The following ITGA9 variants were observed in gnomAD, a reference collection of about 807,000 sequenced individuals.
ITGA9 encodes the protein integrin alpha-9.
Under a neutral mutation model 127.8 loss-of-function variants are expected in ITGA9, and 56 were observed. That is an observed-to-expected ratio of 0.44 (90% confidence interval 0.35 to 0.55). ITGA9 has a LOEUF of 0.55. Ranked by LOEUF, ITGA9 falls within the 20% of genes least tolerant of loss-of-function variation. The pLI, the probability that ITGA9 is intolerant of heterozygous loss-of-function variation, is 0.00. For missense variants in ITGA9, 1,196 were observed against 1,347.1 expected, an observed-to-expected ratio of 0.89 and a Z score of 1.76; for synonymous variants, 508 against 514.5, an observed-to-expected ratio of 0.99 and a Z score of 0.17.
intron 6 of ITGA9, 80 bp downstream of exon 6, chr3:37,503,387 G>T: frequency 2.6e-6 from 4 of 1,529,102 alleles, no homozygotes; most frequent in Middle Eastern, 3.4e-4. Context: ...TTGCTTCATT[G>T]TTGGAAAGAG....
intron 17 of ITGA9, among the ~76,000 whole-genome samples, chr3:37,681,556 C>T (rs1299007379): frequency 6.6e-6 from 1 of 152,270 alleles, no homozygotes; most frequent in African/African-American, 2.4e-5. Flanking sequence ...CTTGAGATTC[C>T]CCCAAAACAC....
At chr3:37,628,606 T>A (rs931591793) in intron 15 of ITGA9, among the ~76,000 whole-genome samples, 1 of 152,180 alleles carries the variant, frequency 6.6e-6, no homozygotes, top group African/African-American at 2.4e-5. Context: ...CTCTCCTCCC[T>A]TCCTTTCCCA....
intron 18 of ITGA9, among the ~76,000 whole-genome samples, chr3:37,703,130 C>A (rs1000056549): frequency 3.3e-5 from 5 of 152,212 alleles, no homozygotes; most frequent in African/African-American, 4.8e-5. Flanking sequence ...CAGGTCCCCC[C>A]CTTTTTTAAT....
chr3:37,508,822 A>G (rs988257096), intron 8 of ITGA9, among the ~76,000 whole-genome samples, 195 bp downstream of exon 8: 4 of 152,118 alleles, frequency 2.6e-5, no homozygotes. Context: ...TACTCGCTTT[A>G]GGAGACATTC....
chr3:37,672,883 T>G (rs1700650424), intron 17 of ITGA9, among the ~76,000 whole-genome samples: 1 of 151,502 alleles, frequency 6.6e-6, no homozygotes, highest in Non-Finnish European at 1.5e-5. Context: ...TACAATATTC[T>G]TTTTTAGTAT....
chr3:37,652,408 C>G (rs965324984), intron 16 of ITGA9, among the ~76,000 whole-genome samples: 1 of 152,174 alleles, frequency 6.6e-6, no homozygotes, highest in Non-Finnish European at 1.5e-5. Flanking sequence ...CTCCTTGACC[C>G]CAGTAGTGTC....
Position 37,452,607 on chromosome 3 carries a change from C to A in ITGA9, c.185+48C>A. 6.9e-7 allele frequency: 1 copy of A among 1,459,784 alleles called. No individual in the cohort carries two copies. The highest frequency in any genetic ancestry group is 1.3e-5 in the South Asian group (1 of 77,834). 90.4% of individuals were successfully genotyped at this position (1,459,784 alleles called of 1,614,324 possible). ...GACCCTGGCCCGCGCGGCCACCGCC[C>A]CGGCCCCCAGGCCAGCGCCGCCGCC... On this transcript the variant is annotated intron_variant, in intron 1 of 27. Coordinates refer to ENST00000264741, the MANE Select transcript of ITGA9 (RefSeq NM_002207.3). The surrounding 1 kb of genome is among the most constrained non-coding windows in gnomAD (Gnocchi z 7.3).
intron 15 of ITGA9, among the ~76,000 whole-genome samples, chr3:37,551,260 C>T (rs1371823900): frequency 6.6e-6 from 1 of 152,106 alleles, no homozygotes; most frequent in Non-Finnish European, 1.5e-5. Context: ...ATTCCGTGCA[C>T]ATTTGGGATT....
intron 5 of ITGA9, among the ~76,000 whole-genome samples, chr3:37,498,375 G>C (rs1208087794): frequency 1.3e-5 from 2 of 152,180 alleles, no homozygotes; most frequent in Non-Finnish European, 2.9e-5. Flanking sequence ...CGGAGATGTT[G>C]ACAGAGAGCC....
At chr3:37,683,769 C>A in intron 17 of ITGA9, 96 bp from the exon 18 acceptor site, 1 of 1,268,298 alleles carries the variant, frequency 7.9e-7, no homozygotes, top group East Asian at 2.4e-5. Flanking sequence ...TAGTTCTGAT[C>A]TCGGTTTCTG....
chr3:37,568,971 T>C (rs1463387721), intron 15 of ITGA9, among the ~76,000 whole-genome samples: 1 of 152,224 alleles, frequency 6.6e-6, no homozygotes, highest in Non-Finnish European at 1.5e-5. Context: ...CCCCTCCTGG[T>C]ACCAATTTAC....
At chr3:37,652,325 C>G (rs1021089703) in intron 16 of ITGA9, among the ~76,000 whole-genome samples, 1 of 152,162 alleles carries the variant, frequency 6.6e-6, no homozygotes, top group Non-Finnish European at 1.5e-5. Flanking sequence ...ACACCCACTT[C>G]CTCCTGTTTT....
chr3:37,493,258 T>G (rs1362250861), intron 4 of ITGA9, among the ~76,000 whole-genome samples: 9 of 152,228 alleles, frequency 5.9e-5, no homozygotes, highest in Non-Finnish European at 4.4e-5. Flanking sequence ...GAGTAGACAC[T>G]CAGAACGGCA....
chr3:37,606,090 C>CCACAACA (rs1159226999), intron 15 of ITGA9, among the ~76,000 whole-genome samples: 1 of 152,166 alleles, frequency 6.6e-6, no homozygotes, highest in Middle Eastern at 3.2e-3. Flanking sequence ...GCACCCTGTA[C>CCACAACA]CACAACATTG....
intron 24 of ITGA9, among the ~76,000 whole-genome samples, chr3:37,778,872 GTTTTTTT>G (rs10583231): frequency 4.7e-5 from 5 of 106,260 alleles, no homozygotes; most frequent in African/African-American, 7.2e-5. Context: ...GAAAGGTTGG[GTTTTTTT>G]TTTTTTTTTT....
intron 17 of ITGA9, among the ~76,000 whole-genome samples, chr3:37,657,866 G>A (rs1337212348): frequency 1.3e-5 from 2 of 152,158 alleles, no homozygotes. Flanking sequence ...TGCTTTAGGT[G>A]TGTCCCAGCA....
At chr3:37,770,859 G>A (rs1696834114) in intron 23 of ITGA9, among the ~76,000 whole-genome samples, 2 of 152,170 alleles carry the variant, frequency 1.3e-5, no homozygotes, top group Admixed American at 1.3e-4. Context: ...CCACAGCCAG[G>A]GTTCCTGACA....
At position 37,736,993 on chromosome 3, in the gene ITGA9, G is replaced by C; in HGVS notation, c.2234+10G>C. On this transcript the variant is annotated intron_variant, in intron 20 of 27. Coordinates refer to ENST00000264741, the MANE Select transcript of ITGA9 (RefSeq NM_002207.3). ...TTGTTACTGCTCAGAGGTAAGGGGGGGGTTTAAACACTTTTTTCAAAGATG... is the reference window on the plus strand; with the variant it reads ...TTGTTACTGCTCAGAGGTAAGGGGGCGGTTTAAACACTTTTTTCAAAGATG... 6.4e-7 allele frequency: 1 copy of C among 1,569,856 alleles called. No individual in the cohort carries two copies. The highest frequency in any genetic ancestry group is 8.8e-7 in the Non-Finnish European group (1 of 1,140,468).
chr3:37,575,264 AAGG>A (rs1699642871), intron 15 of ITGA9, among the ~76,000 whole-genome samples: 1 of 152,084 alleles, frequency 6.6e-6, no homozygotes. Context: ...AGAGTGCCGC[AAGG>A]AGGAGGAGTC....
Sources: allele counts gnomAD v4.1 joint callset (sites outside exome capture counted in the v4.1 genomes callset), GRCh38; gene constraint gnomAD v4.1.1; non-coding constraint Gnocchi (gnomAD v3.1); transcripts MANE v1.5; gene names NCBI Gene and HGNC (gene_info 2026-07-23, HGNC 2026-07-21).